EFHD2: variants seen among roughly 807,000 people sequenced by gnomAD.
EFHD2 encodes the protein EF-hand domain family member D2.
In EFHD2, 12 loss-of-function variants were observed where a neutral mutation model predicts 20.3. The observed-to-expected ratio is 0.59, with a 90% CI of 0.38 to 0.96. The LOEUF (loss-of-function observed/expected upper bound fraction) is 0.96. Among genes scored for constraint, EFHD2 ranks in the 40% least tolerant of loss-of-function variants. EFHD2 has a pLI of 0.00. For missense variants in EFHD2, 250 were observed against 334.3 expected (o/e 0.75, Z 1.97); for synonymous variants, 131 against 143.9 (o/e 0.91, Z 0.64).
At position 15,426,220 on chromosome 1, in the gene EFHD2, C is replaced by T. The variant is rs3765369; in HGVS notation, c.456+202C>T. Among the ~76,000 whole-genome samples, 28,657 of 152,050 alleles carry T rather than the reference C, an allele frequency of 0.19. 2,868 individuals carry two copies. The highest frequency in any genetic ancestry group is 0.22 in the Non-Finnish European group (14,963 of 67,964). On this transcript the variant is annotated intron_variant, in intron 2 of 3. Coordinates refer to ENST00000375980, the MANE Select transcript of EFHD2 (RefSeq NM_024329.6). The surrounding 1 kb of genome is among the most constrained non-coding windows in gnomAD (Gnocchi z 4.6). ...ACCAGGGAGGGTTCTGAGATCCTCT[C>T]GGGGAGGAAGAGGAGGGAGGGACAG...
At chr1:15,411,260 C>A (rs1241296668) in intron 1 of EFHD2, among the ~76,000 whole-genome samples, 3 of 151,586 alleles carry the variant, frequency 2.0e-5, no homozygotes, top group Non-Finnish European at 4.4e-5. Flanking sequence ...TCAAAAGGGG[C>A]CCCTTCCTAT....
At chr1:15,423,699 A>G (rs962253830) in intron 1 of EFHD2, among the ~76,000 whole-genome samples, 1 of 152,202 alleles carries the variant, frequency 6.6e-6, no homozygotes. Flanking sequence ...TGTTCAAAGT[A>G]CACCTAACTA....
chr1:15,419,122 G>C (rs1315293966), intron 1 of EFHD2, among the ~76,000 whole-genome samples: 3 of 152,216 alleles, frequency 2.0e-5, no homozygotes, highest in Non-Finnish European at 2.9e-5. Flanking sequence ...TGACTCCCTA[G>C]TTATCAGAAC....
intron 1 of EFHD2, among the ~76,000 whole-genome samples, chr1:15,423,928 G>A (rs1707832850): frequency 6.6e-6 from 1 of 152,082 alleles, no homozygotes; most frequent in Non-Finnish European, 1.5e-5. Context: ...AGTGGTGCAC[G>A]CCTGTAATTC....
intron 1 of EFHD2, among the ~76,000 whole-genome samples, chr1:15,412,052 C>G (rs898362705): frequency 1.3e-5 from 2 of 152,076 alleles, no homozygotes; most frequent in African/African-American, 4.8e-5. Context: ...CTCTGAACCT[C>G]TTTGAGAAAG....
intron 1 of EFHD2, among the ~76,000 whole-genome samples, chr1:15,412,704 A>G (rs1291610145): frequency 6.6e-6 from 1 of 152,192 alleles, no homozygotes; most frequent in Non-Finnish European, 1.5e-5. Flanking sequence ...GAACCCAGAC[A>G]CTTCAAATGA....
At chr1:15,417,100 C>T (rs1435265844) in intron 1 of EFHD2, among the ~76,000 whole-genome samples, 1 of 152,106 alleles carries the variant, frequency 6.6e-6, no homozygotes, top group African/African-American at 2.4e-5. Context: ...CATGAGCCAC[C>T]ACGCCCAGCC....
intron 1 of EFHD2, among the ~76,000 whole-genome samples, chr1:15,424,313 T>G (rs1175595463): frequency 6.6e-6 from 1 of 152,160 alleles, no homozygotes; most frequent in African/African-American, 2.4e-5. Flanking sequence ...AGAGCCCAGC[T>G]GGGCAAACAG....
At chr1:15,428,567 A>AC in intron 3 of EFHD2, 26 bp from the exon 4 acceptor site, 1 of 1,606,950 alleles carries the variant, frequency 6.2e-7, no homozygotes, top group Non-Finnish European at 8.5e-7. Flanking sequence ...TCCAGCCCTG[A>AC]CCCCCTCACC....
chr1:15,422,486 G>A (rs891127218), intron 1 of EFHD2, among the ~76,000 whole-genome samples: 2 of 150,146 alleles, frequency 1.3e-5, no homozygotes, highest in Admixed American at 6.6e-5. Context: ...CCCCACCTCC[G>A]CCGCCCCAGG....
chr1:15,418,461 A>C (rs546987156), intron 1 of EFHD2, among the ~76,000 whole-genome samples: 7 of 150,206 alleles, frequency 4.7e-5, no homozygotes, highest in African/African-American at 1.5e-4. Flanking sequence ...GCCCACCATC[A>C]CGCCCGGCTA....
At chr1:15,424,955 T>A (rs1707848098) in intron 1 of EFHD2, among the ~76,000 whole-genome samples, 1 of 152,216 alleles carries the variant, frequency 6.6e-6, no homozygotes, top group Non-Finnish European at 1.5e-5. Flanking sequence ...CATTCGACAA[T>A]GTCTGGGAGA....
intron 3 of EFHD2, among the ~76,000 whole-genome samples, chr1:15,428,194 A>G (rs1013305081): frequency 2.0e-5 from 3 of 152,148 alleles, no homozygotes; most frequent in Admixed American, 6.5e-5. Flanking sequence ...AAGGGACCCC[A>G]GGAAAAGCAG....
rs1707587733 is a variant in EFHD2 at position 15,413,621 on chromosome 1, C to T, written c.308+3342C>T. ...CTCACACCTAGAGTCATTCAGGTTC[C>T]TCCTGAGAGAGACCTGAAGGGTTGA... On this transcript the variant is annotated intron_variant, in intron 1 of 3. Coordinates refer to ENST00000375980, the MANE Select transcript of EFHD2 (RefSeq NM_024329.6). This position sits in a 1 kb window ranked among gnomAD's most constrained non-coding sequence, Gnocchi z 4.4. Among the ~76,000 whole-genome samples, 1 of 152,198 alleles carries T rather than the reference C, an allele frequency of 6.6e-6. No individual in the cohort carries two copies. Among genetic ancestry groups the T allele is most frequent in the South Asian group, 2.1e-4 (1 of 4,830 alleles).
At chr1:15,422,437 C>T (rs547049045) in intron 1 of EFHD2, among the ~76,000 whole-genome samples, 3 of 152,198 alleles carry the variant, frequency 2.0e-5, no homozygotes, top group African/African-American at 7.2e-5. Flanking sequence ...GCTATAGGAG[C>T]TTCCCTGGCC....
chr1:15,426,028 GC>G lies in EFHD2; in HGVS notation c.456+15del, dbSNP rs1184932623. ...GCTGAGCTTCCGGGAGGTAAGCCCG[GC>G]CCCCAGCCCCACTCCCCTACCAGGG... is the stretch of plus-strand genomic sequence containing the variant. On this transcript the variant is annotated intron_variant, in intron 2 of 3. Coordinates refer to ENST00000375980, the MANE Select transcript of EFHD2 (RefSeq NM_024329.6). This position sits in a 1 kb window ranked among gnomAD's most constrained non-coding sequence, Gnocchi z 4.6. 1.3e-6 allele frequency: 2 copies of G among 1,560,750 alleles called. No individual in the cohort carries two copies. Among genetic ancestry groups the G allele is most frequent in the African/African-American group, 1.4e-5 (1 of 71,426 alleles).
intron 1 of EFHD2, among the ~76,000 whole-genome samples, chr1:15,417,499 C>T (rs1315022220): frequency 6.6e-6 from 1 of 152,128 alleles, no homozygotes; most frequent in Non-Finnish European, 1.5e-5. Flanking sequence ...TGCTTGGGGT[C>T]TCCCTCTTTA....
At chr1:15,417,569 C>T (rs911615183) in intron 1 of EFHD2, among the ~76,000 whole-genome samples, 1 of 152,210 alleles carries the variant, frequency 6.6e-6, no homozygotes, top group African/African-American at 2.4e-5. Flanking sequence ...CCGTCTCTCT[C>T]TCTCTCTCTT....
In EFHD2 at chr1:15,428,887, C is replaced by G; in HGVS notation, c.*163C>G. ...GTTCAGGGGTCTTATGGAGGTGGCC[C>G]GGCCCCTCCCCGCTCCCTTCCACTC... is the stretch of plus-strand genomic sequence containing the variant. On this transcript the variant is annotated 3_prime_UTR_variant, in exon 4 of 4. Coordinates refer to ENST00000375980, the MANE Select transcript of EFHD2 (RefSeq NM_024329.6). 9.3e-7 allele frequency: 1 copy of G among 1,073,202 alleles called. No individual in the cohort carries two copies. 66.5% of individuals were successfully genotyped at this position (1,073,202 alleles called of 1,614,324 possible). A position where few individuals can be genotyped will look rare whatever the true frequency, so the allele number is the denominator to read the frequency against.
Sources: gnomAD v4.1 joint callset for allele counts (sites outside exome capture counted in the v4.1 genomes callset) on GRCh38, gnomAD v4.1.1 for gene constraint, Gnocchi (gnomAD v3.1) non-coding constraint, MANE v1.5 for transcripts, NCBI Gene and HGNC (gene_info 2026-07-23, HGNC 2026-07-21) for gene names.